SH3KBP1: variants seen among roughly 807,000 people sequenced by gnomAD.
The protein encoded by SH3KBP1 is SH3 domain containing kinase binding protein 1.
A neutral mutation model predicts 50.1 loss-of-function variants in SH3KBP1; 8 were observed. That is an observed-to-expected ratio of 0.16 (90% CI 0.09 to 0.29). The LOEUF (loss-of-function observed/expected upper bound fraction) is 0.29, where lower values mean the gene tolerates loss of function less well. SH3KBP1 is among the 10% of genes least tolerant of loss of function. The pLI is 1.00. For synonymous variants in SH3KBP1, 227 were observed against 218.6 expected, an observed-to-expected ratio of 1.04 and a Z score of -0.34; for missense variants, 377 against 535.2, an observed-to-expected ratio of 0.70 and a Z score of 2.92.
intron 2 of SH3KBP1, among the ~76,000 whole-genome samples, chrX:19,789,431 T>A (rs2066465563): frequency 9.0e-6 from 1 of 110,955 alleles, no homozygotes; most frequent in African/African-American, 3.3e-5. Context: ...CTAGGGGGGC[T>A]TAAATAATAG....
chrX:19,851,091 T>C (rs1305105113), intron 1 of SH3KBP1, among the ~76,000 whole-genome samples: 1 of 111,457 alleles, frequency 9.0e-6, no homozygotes, highest in South Asian at 3.8e-4. Context: ...CAGGTGACTC[T>C]ATGTACCCCT....
chrX:19,706,744 A>G, intron 4 of SH3KBP1, 137 bp downstream of exon 4: 1 of 479,182 alleles, frequency 2.1e-6, no homozygotes, highest in Non-Finnish European at 3.6e-6. Context: ...TTTCTCAGAC[A>G]GGAGACTCAA....
At chrX:19,541,317 A>G (rs2064886715) in intron 16 of SH3KBP1, among the ~76,000 whole-genome samples, 2 of 111,895 alleles carry the variant, frequency 1.8e-5, no homozygotes, top group East Asian at 5.6e-4. Flanking sequence ...TCTCCTCAAC[A>G]AAGTGCTCCC....
At chrX:19,745,842 G>A (rs1275442039) in intron 3 of SH3KBP1, among the ~76,000 whole-genome samples, 1 of 112,835 alleles carries the variant, frequency 8.9e-6, no homozygotes, top group East Asian at 2.8e-4. Context: ...CTTCTGGTCA[G>A]ACAGATGTGT....
chrX:19,731,746 T>C (rs1353979799), intron 3 of SH3KBP1, among the ~76,000 whole-genome samples: 1 of 112,249 alleles, frequency 8.9e-6, no homozygotes, highest in Non-Finnish European at 1.9e-5. Context: ...TACAAGCATA[T>C]ACTTCATTCA....
At chrX:19,612,715 A>G (rs182659807) in intron 8 of SH3KBP1, among the ~76,000 whole-genome samples, 7 of 112,171 alleles carry the variant, frequency 6.2e-5, no homozygotes, top group East Asian at 5.6e-4. Flanking sequence ...AAAGAAAACC[A>G]TCATGTCCTT....
intron 1 of SH3KBP1, among the ~76,000 whole-genome samples, chrX:19,838,828 G>A (rs959974334): frequency 9.5e-6 from 1 of 104,797 alleles, no homozygotes; most frequent in Non-Finnish European, 2.0e-5. Flanking sequence ...CGGAGGTTGC[G>A]GTGAGCCAAG....
In SH3KBP1 at chrX:19,536,375, C is replaced by T. The variant is rs745998555; in HGVS notation, c.*42G>A. On this transcript the variant is annotated 3_prime_UTR_variant, in exon 18 of 18. Transcript: ENST00000397821. ...TGGCTGGGGCAGAAAATTTGAGTCTCGGACTCAGGATGAATAATGTGACAT... is the reference window on the plus strand; with the variant it reads ...TGGCTGGGGCAGAAAATTTGAGTCTTGGACTCAGGATGAATAATGTGACAT... 25 of 954,044 alleles carry T rather than the reference C, an allele frequency of 2.6e-5. No homozygotes were observed. In the South Asian group the frequency reaches 3.9e-4, roughly 15 times the overall value. The allele number at this position is 954,044 out of a possible 1,213,427, so 78.6% of individuals were successfully genotyped here.
chrX:19,872,564 GA>G (rs1281356777), intron 1 of SH3KBP1, among the ~76,000 whole-genome samples: 1 of 110,047 alleles, frequency 9.1e-6, no homozygotes, highest in African/African-American at 3.3e-5. Flanking sequence ...GAGGTCAGGA[GA>G]TAGAGACCAT....
chrX:19,568,721 A>C (rs372840152), intron 13 of SH3KBP1, among the ~76,000 whole-genome samples: 22 of 112,917 alleles, frequency 1.9e-4, no homozygotes, highest in East Asian at 1.9e-3. Context: ...ACTCAGTCAA[A>C]AGTGCTGTAT....
chrX:19,665,309 C>G (rs1254896006), intron 6 of SH3KBP1, among the ~76,000 whole-genome samples: 1 of 112,164 alleles, frequency 8.9e-6, no homozygotes, highest in Non-Finnish European at 1.9e-5. Flanking sequence ...CTGAGTGATA[C>G]AGACCTCAAC....
intron 6 of SH3KBP1, among the ~76,000 whole-genome samples, chrX:19,651,443 C>G (rs1388138247): frequency 8.9e-6 from 1 of 112,104 alleles, no homozygotes; most frequent in Non-Finnish European, 1.9e-5. Flanking sequence ...TTTGTAACAC[C>G]TCACATACTG....
At chrX:19,790,983 G>A (rs985102586) in intron 2 of SH3KBP1, among the ~76,000 whole-genome samples, 3 of 110,822 alleles carry the variant, frequency 2.7e-5, no homozygotes, top group Non-Finnish European at 5.7e-5. Context: ...CTAACTCTGT[G>A]GTTGAAAAAA....
At chrX:19,594,822 G>A (rs769946822) in intron 10 of SH3KBP1, 127 bp downstream of exon 10, 15 of 507,827 alleles carry the variant, frequency 3.0e-5, no homozygotes, top group Admixed American at 1.4e-4. Context: ...AGACCAAATC[G>A]TAACTTCCCA....
chrX:19,778,631 C>A (rs1452080326), intron 2 of SH3KBP1, among the ~76,000 whole-genome samples: 1 of 109,692 alleles, frequency 9.1e-6, no homozygotes, highest in African/African-American at 3.3e-5. Flanking sequence ...GACTACAATC[C>A]TTGTGAAAAG....
At position 19,815,190 on chromosome X, in the gene SH3KBP1, G is replaced by A. The variant is rs1473630371; in HGVS notation, c.162+20935C>T. Among the ~76,000 whole-genome samples the A allele has an allele frequency of 2.7e-5, 3 of 111,693 alleles. No individual in the cohort carries two copies. In the East Asian group the frequency reaches 8.4e-4, roughly 31 times the overall value. On this transcript the variant is annotated intron_variant, in intron 2 of 17. Coordinates refer to ENST00000397821, the MANE Select transcript of SH3KBP1 (RefSeq NM_031892.3). ...GTTAGAAATCCTAAAAAATACTAAT[G>A]CTGAGACTCACAATCAGAGATAAAG...
intron 8 of SH3KBP1, among the ~76,000 whole-genome samples, chrX:19,610,444 T>G: frequency 8.9e-6 from 1 of 112,088 alleles, no homozygotes; most frequent in Non-Finnish European, 1.9e-5. Context: ...GAATTAGGTT[T>G]CTTCAAAACT....
At chrX:19,654,598 C>T (rs2062224918) in intron 6 of SH3KBP1, among the ~76,000 whole-genome samples, 1 of 111,812 alleles carries the variant, frequency 8.9e-6, no homozygotes, top group African/African-American at 3.3e-5. Context: ...TTTCATATAC[C>T]ACATTGGCAA....
chrX:19,885,054 C>T (rs1189176699), intron 1 of SH3KBP1, among the ~76,000 whole-genome samples: 1 of 111,633 alleles, frequency 9.0e-6, no homozygotes, highest in African/African-American at 3.3e-5. Flanking sequence ...GTCCCAGCTA[C>T]TTGGGAAGAT....
Sources: gnomAD v4.1 joint callset for allele counts (sites outside exome capture counted in the v4.1 genomes callset) on GRCh38, gnomAD v4.1.1 for gene constraint, MANE v1.5 for transcripts, NCBI Gene and HGNC (gene_info 2026-07-23, HGNC 2026-07-21) for gene names.